MYO1E: variants seen among roughly 807,000 people sequenced by gnomAD.
MYO1E encodes unconventional myosin-Ie.
MYO1E carries 68 observed loss-of-function variants against 151.1 expected under a neutral mutation model. The ratio of observed to expected loss-of-function variants is 0.45; its 90% CI spans 0.37 to 0.55. The LOEUF is 0.55. Ranked by LOEUF, MYO1E falls within the 20% of genes least tolerant of loss-of-function variation. MYO1E has a pLI of 0.00. For missense variants in MYO1E, 1,363 were observed against 1,389.3 expected, an observed-to-expected ratio of 0.98 and a Z score of 0.30; for synonymous variants, 601 against 501.7, an observed-to-expected ratio of 1.20 and a Z score of -2.64.
chr15:59,296,576 G>T (rs2140400468), intron 1 of MYO1E, among the ~76,000 whole-genome samples: 1 of 152,276 alleles, frequency 6.6e-6, no homozygotes, highest in African/African-American at 2.4e-5. Context: ...GTCGGGACGT[G>T]CTGGTAGGTG....
At chr15:59,231,880 A>C (rs760465387) in intron 5 of MYO1E, 89 bp from the exon 6 acceptor site, 15 of 1,424,650 alleles carry the variant, frequency 1.1e-5, no homozygotes, top group Non-Finnish European at 1.4e-5. Flanking sequence ...CTGGTTTCTG[A>C]ATGCATTAAG....
intron 4 of MYO1E, among the ~76,000 whole-genome samples, chr15:59,250,691 C>G (rs556976585): frequency 6.6e-6 from 1 of 152,284 alleles, no homozygotes; most frequent in South Asian, 2.1e-4. Flanking sequence ...GAACATGCAG[C>G]TGATGTCTGC....
chr15:59,205,097 T>C (rs749796134), intron 15 of MYO1E, among the ~76,000 whole-genome samples: 9 of 152,198 alleles, frequency 5.9e-5, no homozygotes, highest in African/African-American at 9.6e-5. Context: ...CCAGACCCAA[T>C]AGCATGAAGG....
intron 26 of MYO1E, among the ~76,000 whole-genome samples, chr15:59,151,637 G>A (rs369784613): frequency 1.3e-5 from 2 of 152,192 alleles, no homozygotes; most frequent in East Asian, 3.9e-4. Context: ...ATGAGGCCAG[G>A]CACAGTGGCT....
At chr15:59,164,835 C>T (rs1355919114) in intron 22 of MYO1E, among the ~76,000 whole-genome samples, 1 of 152,156 alleles carries the variant, frequency 6.6e-6, no homozygotes, top group Non-Finnish European at 1.5e-5. Flanking sequence ...TAGCCACAGC[C>T]TCTACCTTGG....
chr15:59,208,534 CT>C (rs2079855529), intron 14 of MYO1E, 146 bp downstream of exon 14: 11 of 998,050 alleles, frequency 1.1e-5, no homozygotes, highest in Non-Finnish European at 1.4e-5. Context: ...TATATACAAT[CT>C]TTTGTTTTGC....
chr15:59,257,468 C>T (rs966642306), intron 3 of MYO1E, among the ~76,000 whole-genome samples: 10 of 152,152 alleles, frequency 6.6e-5, no homozygotes, highest in South Asian at 4.1e-4. Flanking sequence ...GTGTAAATGA[C>T]GGATGGGAAA....
chr15:59,200,862 G>A (rs1197228004), intron 16 of MYO1E, among the ~76,000 whole-genome samples: 6 of 152,080 alleles, frequency 3.9e-5, no homozygotes, highest in African/African-American at 7.2e-5. Flanking sequence ...AGCGGTGAGG[G>A]CACTGAGAGC....
At chr15:59,245,638 G>C (rs2080125286) in intron 4 of MYO1E, among the ~76,000 whole-genome samples, 1 of 152,188 alleles carries the variant, frequency 6.6e-6, no homozygotes, top group Non-Finnish European at 1.5e-5. Context: ...AGTAGAAACA[G>C]CACCAAATGG....
At chr15:59,239,652 C>A (rs2080088469) in intron 4 of MYO1E, among the ~76,000 whole-genome samples, 2 of 152,222 alleles carry the variant, frequency 1.3e-5, no homozygotes, top group South Asian at 4.1e-4. Flanking sequence ...TTTAATATAT[C>A]AAAATAAGTA....
At chr15:59,180,687 C>T (rs1174669366) in intron 18 of MYO1E, among the ~76,000 whole-genome samples, 1 of 151,998 alleles carries the variant, frequency 6.6e-6, no homozygotes, top group African/African-American at 2.4e-5. Flanking sequence ...ACATCCTCAC[C>T]CCATCCTTTG....
intron 12 of MYO1E, among the ~76,000 whole-genome samples, chr15:59,212,318 C>G (rs1225299346): frequency 1.3e-5 from 2 of 152,002 alleles, no homozygotes; most frequent in Non-Finnish European, 2.9e-5. Context: ...CTACCCCACC[C>G]CTTAGAGTAG....
intron 16 of MYO1E, among the ~76,000 whole-genome samples, chr15:59,202,035 A>G (rs2079805498): frequency 6.6e-6 from 1 of 152,236 alleles, no homozygotes; most frequent in Admixed American, 6.5e-5. Context: ...TTTAACATAA[A>G]TTCTTCCAGG....
intron 9 of MYO1E, among the ~76,000 whole-genome samples, chr15:59,219,740 A>C (rs1452729935): frequency 6.6e-6 from 1 of 152,232 alleles, no homozygotes; most frequent in African/African-American, 2.4e-5. Flanking sequence ...AGGAATCTGG[A>C]TATGTCTTCC....
chr15:59,202,889 G>A (rs2079810746), intron 15 of MYO1E, among the ~76,000 whole-genome samples: 2 of 152,064 alleles, frequency 1.3e-5, no homozygotes, highest in Admixed American at 6.6e-5. Context: ...CTATATATAG[G>A]CAGACGCCAC....
intron 4 of MYO1E, among the ~76,000 whole-genome samples, chr15:59,249,989 C>G (rs955764713): frequency 1.3e-5 from 2 of 151,960 alleles, no homozygotes; most frequent in African/African-American, 2.4e-5. Flanking sequence ...AAGGCCCAGA[C>G]AGGTGTGAGG....
chr15:59,188,789 C>T (rs374179607), intron 17 of MYO1E, among the ~76,000 whole-genome samples: 4 of 152,196 alleles, frequency 2.6e-5, no homozygotes, highest in South Asian at 4.2e-4. Flanking sequence ...AACAGTAACA[C>T]AAAGACCCAT....
intron 1 of MYO1E, among the ~76,000 whole-genome samples, chr15:59,277,114 TG>T (rs1183638678): frequency 2.0e-5 from 3 of 152,114 alleles, no homozygotes; most frequent in Non-Finnish European, 4.4e-5. Context: ...TACAGGGCAG[TG>T]GGGAGGAGGT....
intron 1 of MYO1E, among the ~76,000 whole-genome samples, chr15:59,347,993 T>G (rs1239488613): frequency 3.3e-5 from 5 of 152,210 alleles, no homozygotes; most frequent in East Asian, 1.9e-4. Context: ...GCAGCGGCTC[T>G]CCTATCAGTT....
Sources: allele counts gnomAD v4.1 joint callset (sites outside exome capture counted in the v4.1 genomes callset), GRCh38; gene constraint gnomAD v4.1.1; transcripts MANE v1.5; gene names NCBI Gene and HGNC (gene_info 2026-07-23, HGNC 2026-07-21).